The following CDH12 variants were observed in gnomAD, a reference collection of about 807,000 sequenced individuals.
The protein encoded by CDH12 is cadherin 12.
CDH12 carries 41 observed loss-of-function variants against 74.1 expected under a neutral mutation model. The ratio of observed to expected loss-of-function variants is 0.55; its 90% CI spans 0.43 to 0.72. The LOEUF (loss-of-function observed/expected upper bound fraction) is 0.72, where lower values mean the gene tolerates loss of function less well. CDH12 is among the 30% of genes least tolerant of loss of function. The pLI, the probability that CDH12 is intolerant of heterozygous loss-of-function variation, is 0.00. For synonymous variants in CDH12, 399 were observed against 355.0 expected, an observed-to-expected ratio of 1.12 and a Z score of -1.39; for missense variants, 945 against 977.2, an observed-to-expected ratio of 0.97 and a Z score of 0.44.
chr5:22,256,275 C>A (rs1753314079), intron 3 of CDH12, among the ~76,000 whole-genome samples: 2 of 152,048 alleles, frequency 1.3e-5, no homozygotes, highest in Admixed American at 1.3e-4. Context: ...TCAATGACAG[C>A]ATGTACAATG....
intron 1 of CDH12, among the ~76,000 whole-genome samples, chr5:22,768,718 A>C (rs1746649520): frequency 6.6e-6 from 1 of 152,080 alleles, no homozygotes; most frequent in African/African-American, 2.4e-5. Flanking sequence ...TCTGCCACTG[A>C]TTTCCTATTT....
chr5:22,486,945 T>A (rs1746627422), intron 2 of CDH12, among the ~76,000 whole-genome samples: 1 of 152,182 alleles, frequency 6.6e-6, no homozygotes, highest in African/African-American at 2.4e-5. Flanking sequence ...TCTTCTGGCC[T>A]AACTTAGGGG....
chr5:22,575,780 G>C (rs572637868), intron 1 of CDH12, among the ~76,000 whole-genome samples: 2 of 152,146 alleles, frequency 1.3e-5, no homozygotes, highest in Non-Finnish European at 2.9e-5. Context: ...GGCCAGACTG[G>C]TCTTGAACAC....
chr5:22,735,480 T>C (rs1744643109), intron 1 of CDH12, among the ~76,000 whole-genome samples: 1 of 151,910 alleles, frequency 6.6e-6, no homozygotes, highest in African/African-American at 2.4e-5. Flanking sequence ...TACTACATCC[T>C]AAAATGTGCT....
chr5:22,167,955 T>G (rs1178536663), intron 4 of CDH12, among the ~76,000 whole-genome samples: 2 of 152,104 alleles, frequency 1.3e-5, no homozygotes, highest in African/African-American at 2.4e-5. Context: ...ATGGACACAT[T>G]TTCCATTGTT....
At chr5:22,473,773 G>A (rs1746059321) in intron 2 of CDH12, among the ~76,000 whole-genome samples, 2 of 152,020 alleles carry the variant, frequency 1.3e-5, no homozygotes. Flanking sequence ...GTTTATAAAT[G>A]GTAAGGCTGA....
At chr5:22,159,364 G>A (rs1303321923) in intron 4 of CDH12, among the ~76,000 whole-genome samples, 1 of 152,094 alleles carries the variant, frequency 6.6e-6, no homozygotes, top group Non-Finnish European at 1.5e-5. Flanking sequence ...GGATAATGAG[G>A]ATATGCCTAC....
intron 1 of CDH12, among the ~76,000 whole-genome samples, chr5:22,514,332 T>C (rs1233134108): frequency 6.6e-6 from 1 of 151,960 alleles, no homozygotes; most frequent in East Asian, 1.9e-4. Flanking sequence ...TTTAAGTGAA[T>C]GGTTGAATAT....
chr5:21,839,097 GTCC>G, intron 8 of CDH12, among the ~76,000 whole-genome samples: 1 of 152,156 alleles, frequency 6.6e-6, no homozygotes, highest in African/African-American at 2.4e-5. Flanking sequence ...CTCCCAATCT[GTCC>G]TCCTCAACTA....
At chr5:22,552,507 C>A (rs559168417) in intron 1 of CDH12, among the ~76,000 whole-genome samples, 11 of 151,870 alleles carry the variant, frequency 7.2e-5, no homozygotes, top group Non-Finnish European at 1.5e-4. Flanking sequence ...TGGCTCACAG[C>A]AACCTCTGCC....
At chr5:21,826,865 C>CTGA (rs879443671) in intron 8 of CDH12, among the ~76,000 whole-genome samples, 137 of 152,192 alleles carry the variant, frequency 9.0e-4, no homozygotes, top group Middle Eastern at 3.4e-3. Context: ...ATTACTGTAA[C>CTGA]TTCCAGTCAG....
intron 3 of CDH12, among the ~76,000 whole-genome samples, chr5:22,257,279 G>T (rs994445627): frequency 6.6e-6 from 1 of 151,746 alleles, no homozygotes; most frequent in African/African-American, 2.4e-5. Context: ...CATGAAAAAA[G>T]TTCACCTATG....
chr5:22,584,908 CT>C (rs980483741), intron 1 of CDH12, among the ~76,000 whole-genome samples: 1 of 152,008 alleles, frequency 6.6e-6, no homozygotes, highest in African/African-American at 2.4e-5. Context: ...ACTCTTTTGC[CT>C]TACAAGATAC....
At chr5:22,188,030 T>C (rs1750066259) in intron 4 of CDH12, among the ~76,000 whole-genome samples, 1 of 151,480 alleles carries the variant, frequency 6.6e-6, no homozygotes, top group African/African-American at 2.4e-5. Context: ...GGCAGTGCTG[T>C]CATTTGAATA....
rs112135084 is a variant in CDH12, at chr5:22,285,399, T to C, written c.-332-72756A>G. On this transcript the variant is annotated intron_variant, in intron 3 of 14. Transcript: ENST00000382254. ...ATGTATATGAGTGTCTAGACATGGA[T>C]AGACATGGATATTTATCATATTTTA... Among the ~76,000 whole-genome samples, 1,112 of 152,242 alleles carry C rather than the reference T, an allele frequency of 7.3e-3. 15 individuals carry two copies. In the South Asian group the frequency reaches 0.076, roughly 10 times the overall value.
chr5:21,869,850 A>G (rs1751523372), intron 6 of CDH12, among the ~76,000 whole-genome samples: 2 of 152,186 alleles, frequency 1.3e-5, no homozygotes, highest in African/African-American at 4.8e-5. Context: ...TTTAGGTGTC[A>G]GCTTGACTGA....
chr5:21,806,359 C>G (rs1747427215), intron 9 of CDH12, among the ~76,000 whole-genome samples: 1 of 152,072 alleles, frequency 6.6e-6, no homozygotes, highest in Admixed American at 6.6e-5. Flanking sequence ...GAGAGCCTGA[C>G]AATTTTAAAA....
intron 6 of CDH12, chr5:21,882,794 G>A: frequency 1.9e-6 from 3 of 1,573,474 alleles, no homozygotes; most frequent in Non-Finnish European, 2.6e-6. Context: ...AGCAGAGCTG[G>A]GGAAGTCCCA....
intron 3 of CDH12, chr5:22,213,813 G>A (rs1385611545): frequency 6.6e-6 from 1 of 152,134 alleles, no homozygotes; most frequent in African/African-American, 2.4e-5. Context: ...CAGAGAGAAA[G>A]CTGACGACTG....
Sources: gnomAD v4.1 joint callset for allele counts (sites outside exome capture counted in the v4.1 genomes callset) on GRCh38, gnomAD v4.1.1 for gene constraint, MANE v1.5 for transcripts, NCBI Gene and HGNC (gene_info 2026-07-23, HGNC 2026-07-21) for gene names.